MEIS1: variants seen among roughly 807,000 people sequenced by gnomAD.
MEIS1 encodes the protein homeobox protein Meis1.
A neutral mutation model predicts 50.8 loss-of-function variants in MEIS1; 5 were observed. That is an observed-to-expected ratio of 0.10 (90% CI 0.05 to 0.21). MEIS1 has a LOEUF of 0.21. MEIS1 is among the 10% of genes least tolerant of loss of function. The pLI is 1.00. For missense variants in MEIS1, 318 were observed against 517.3 expected (o/e 0.61, Z 3.74); for synonymous variants, 176 against 179.3 (o/e 0.98, Z 0.15).
chr2:66,446,424 G>A (rs1672148154), intron 6 of MEIS1, among the ~76,000 whole-genome samples: 1 of 152,132 alleles, frequency 6.6e-6, no homozygotes, highest in Admixed American at 6.5e-5. Flanking sequence ...GAGTCTCTAG[G>A]CCCCCAGGGC....
At chr2:66,564,719 TG>T (rs1380827573) in intron 9 of MEIS1, among the ~76,000 whole-genome samples, 9 of 149,926 alleles carry the variant, frequency 6.0e-5, no homozygotes, top group African/African-American at 1.0e-4. Flanking sequence ...CAAAAGTAAT[TG>T]TTTTTTTTTT....
At chr2:66,437,049 TG>T in intron 1 of MEIS1, 1 of 759,548 alleles carries the variant, frequency 1.3e-6, no homozygotes. Flanking sequence ...TCTTTAACTT[TG>T]GGGGTGGGGA....
At chr2:66,445,526 T>C (rs987372788) in intron 6 of MEIS1, among the ~76,000 whole-genome samples, 1 of 152,200 alleles carries the variant, frequency 6.6e-6, no homozygotes, top group African/African-American at 2.4e-5. Flanking sequence ...TCCACCTGTC[T>C]GCGAATGCAG....
At chr2:66,493,356 C>G (rs1673319660) in intron 7 of MEIS1, among the ~76,000 whole-genome samples, 1 of 152,138 alleles carries the variant, frequency 6.6e-6, no homozygotes, top group Non-Finnish European at 1.5e-5. Context: ...TTACCCTCTC[C>G]CAGTTTAACA....
intron 7 of MEIS1, among the ~76,000 whole-genome samples, chr2:66,497,288 C>G (rs892461917): frequency 3.3e-5 from 5 of 152,188 alleles, no homozygotes; most frequent in South Asian, 4.1e-4. Context: ...TATTCCTTAT[C>G]TGTATAGCAG....
At chr2:66,436,746 T>C (rs1457138095) in intron 1 of MEIS1, 3 of 392,550 alleles carry the variant, frequency 7.6e-6, no homozygotes, top group Admixed American at 1.3e-4. Flanking sequence ...CCTCCTTTCT[T>C]TGAAAATCAT....
chr2:66,549,932 A>AAT (rs1362503713), intron 9 of MEIS1, among the ~76,000 whole-genome samples: 9 of 152,118 alleles, frequency 5.9e-5, no homozygotes, highest in East Asian at 5.8e-4. Context: ...GACTTCAAGC[A>AAT]ATATATATAT....
intron 3 of MEIS1, 93 bp from the exon 4 acceptor site, chr2:66,440,469 T>A: frequency 9.1e-7 from 1 of 1,098,526 alleles, no homozygotes; most frequent in Non-Finnish European, 1.4e-6. Flanking sequence ...GACAGTGTAA[T>A]GAGGCAAGAA....
Position 66,489,978 on chromosome 2 carries a change from A to G in MEIS1, c.743-22171A>G, listed in dbSNP as rs924745907. On this transcript the variant is annotated intron_variant, in intron 7 of 12. Transcript: ENST00000272369. ...GAATAAATATTGATCTCTTTCAGAG[A>G]GGCAAAAATATAGTTTGGATTGCAT... Among the ~76,000 whole-genome samples, 10 of 152,248 alleles carry G rather than the reference A, an allele frequency of 6.6e-5. No homozygotes were observed. In the South Asian group the frequency reaches 1.9e-3, roughly 28 times the overall value.
At chr2:66,482,362 A>T (rs1673038384) in intron 7 of MEIS1, among the ~76,000 whole-genome samples, 1 of 152,184 alleles carries the variant, frequency 6.6e-6, no homozygotes, top group Non-Finnish European at 1.5e-5. Flanking sequence ...AGGTGAGAAT[A>T]ACCTAAGGCC....
intron 12 of MEIS1, chr2:66,570,719 C>G (rs1402617680): frequency 6.6e-6 from 1 of 152,562 alleles, no homozygotes. Context: ...TTATTGTTCT[C>G]AAAATCATTA....
chr2:66,465,772 T>G (rs918938962), intron 7 of MEIS1, among the ~76,000 whole-genome samples: 1 of 152,230 alleles, frequency 6.6e-6, no homozygotes, highest in African/African-American at 2.4e-5. Flanking sequence ...AAAATTGTAA[T>G]GCATCTGTTT....
chr2:66,471,595 A>G (rs554711209), intron 7 of MEIS1, among the ~76,000 whole-genome samples: 16 of 152,372 alleles, frequency 1.1e-4, no homozygotes, highest in African/African-American at 3.6e-4. Context: ...TTTGTCTCCC[A>G]AGACTCATGC....
Position 66,435,575 on chromosome 2 carries a change from C to G in MEIS1, c.-282C>G. 1 of 308,872 alleles carries G rather than the reference C, an allele frequency of 3.2e-6. No homozygotes were observed. The allele number at this position is 308,872 out of a possible 1,614,324, so 19.1% of individuals were successfully genotyped here. A position where few individuals can be genotyped will look rare whatever the true frequency, so the allele number is the denominator to read the frequency against. ...CTTTCTTTCTTTTTTTTTTTTTAAA[C>G]TGATTTTTGGGGGAGAGAAGATCTG... On this transcript the variant is annotated 5_prime_UTR_variant, in exon 1 of 13. Coordinates refer to ENST00000272369, the MANE Select transcript of MEIS1 (RefSeq NM_002398.3).
intron 7 of MEIS1, among the ~76,000 whole-genome samples, chr2:66,505,982 A>G (rs1673676860): frequency 6.6e-6 from 1 of 152,240 alleles, no homozygotes; most frequent in African/African-American, 2.4e-5. Flanking sequence ...AAGAAATGTA[A>G]GGGATGAAAA....
chr2:66,502,211 G>C (rs942510109), intron 7 of MEIS1, among the ~76,000 whole-genome samples: 1 of 152,090 alleles, frequency 6.6e-6, no homozygotes, highest in African/African-American at 2.4e-5. Flanking sequence ...GGAAAAACTT[G>C]ACGTGTTCAG....
In MEIS1 at chr2:66,519,991, C is replaced by A. The variant is rs543504295; in HGVS notation, c.888+7697C>A. ...TTTGTTGCTAGCATCCCTGCAGTAC[C>A]CAAGTGCTGTCATTTGCCACGTGGC... On this transcript the variant is annotated intron_variant, in intron 8 of 12. Transcript: ENST00000272369. Among the ~76,000 whole-genome samples the A allele has an allele frequency of 3.3e-5, 5 of 152,134 alleles. No homozygotes were observed. The East Asian group carries it at 9.7e-4, about 29-fold the overall frequency.
At chr2:66,439,489 T>A in intron 2 of MEIS1, 2 of 1,416,216 alleles carry the variant, frequency 1.4e-6, no homozygotes, top group Non-Finnish European at 9.2e-7. Flanking sequence ...GGATCCTGGA[T>A]GTGCAGTGGA....
chr2:66,562,969 TA>T (rs1675254769), intron 9 of MEIS1, among the ~76,000 whole-genome samples: 1 of 152,162 alleles, frequency 6.6e-6, no homozygotes, highest in African/African-American at 2.4e-5. Context: ...TAAAGCATAC[TA>T]AAAGATTTAC....
Sources: gnomAD v4.1 joint callset for allele counts (sites outside exome capture counted in the v4.1 genomes callset) on GRCh38, gnomAD v4.1.1 for gene constraint, MANE v1.5 for transcripts, NCBI Gene and HGNC (gene_info 2026-07-23, HGNC 2026-07-21) for gene names.